Variants in RSRP1 observed in about 807,000 individuals in gnomAD.
The protein encoded by RSRP1 is arginine/serine-rich protein 1.
RSRP1 carries 37 observed loss-of-function variants against 33.0 expected under a neutral mutation model. That is an observed-to-expected ratio of 1.12 (90% CI 0.86 to 1.48). The LOEUF (loss-of-function observed/expected upper bound fraction) is 1.48. Among genes scored for constraint, RSRP1 ranks in the 40% most tolerant of loss-of-function variants. RSRP1 has a pLI of 0.00. For missense variants in RSRP1, 402 were observed against 385.3 expected, an observed-to-expected ratio of 1.04 and a Z score of -0.36; for synonymous variants, 167 against 158.7, an observed-to-expected ratio of 1.05 and a Z score of -0.40.
At chr1:25,286,892 A>T (rs2124630603) in intron 1 of RSRP1, among the ~76,000 whole-genome samples, 1 of 134,694 alleles carries the variant, frequency 7.4e-6, no homozygotes, top group East Asian at 1.9e-4. Flanking sequence ...CAGGAGTCCG[A>T]GACCAACCTG....
intron 1 of RSRP1, among the ~76,000 whole-genome samples, chr1:25,274,361 T>C (rs1195104501): frequency 7.5e-6 from 1 of 132,680 alleles, no homozygotes; most frequent in African/African-American, 2.6e-5. Context: ...TACAGTGGGC[T>C]TGAGTCTTTG....
intron 1 of RSRP1, among the ~76,000 whole-genome samples, chr1:25,291,573 C>A (rs1642513282): frequency 7.6e-6 from 1 of 132,366 alleles, no homozygotes; most frequent in African/African-American, 2.6e-5. Flanking sequence ...ACACAACAAA[C>A]CAATGCCTTT....
chr1:25,292,434 G>C (rs1642590211), intron 1 of RSRP1, among the ~76,000 whole-genome samples: 3 of 132,278 alleles, frequency 2.3e-5, no homozygotes, highest in African/African-American at 7.7e-5. Context: ...GGAAGTGGTT[G>C]GATCCTGACT....
intron 1 of RSRP1, among the ~76,000 whole-genome samples, chr1:25,263,530 C>G (rs1448444560): frequency 1.3e-5 from 2 of 151,952 alleles, no homozygotes; most frequent in Admixed American, 1.3e-4. Flanking sequence ...TAGACTTATT[C>G]ACTATCACAA....
At chr1:25,283,009 ATCTC>A (rs1030775589) in intron 1 of RSRP1, among the ~76,000 whole-genome samples, 1 of 132,806 alleles carries the variant, frequency 7.5e-6, no homozygotes, top group South Asian at 2.3e-4. Context: ...ATTCTTCAAG[ATCTC>A]TCTCTCTCCA....
intron 1 of RSRP1, among the ~76,000 whole-genome samples, chr1:25,331,270 C>T (rs1434637954): frequency 3.1e-5 from 4 of 131,056 alleles, no homozygotes; most frequent in African/African-American, 1.0e-4. Flanking sequence ...CCGGCCTCTT[C>T]CTCTTCTTAT....
chr1:25,319,662 C>A (rs538319478), intron 1 of RSRP1, among the ~76,000 whole-genome samples: 2 of 132,292 alleles, frequency 1.5e-5, no homozygotes, highest in African/African-American at 5.1e-5. Context: ...GTTCCTCAAG[C>A]AGCCAAAATT....
chr1:25,266,449 C>G (rs1640313386), intron 1 of RSRP1, among the ~76,000 whole-genome samples: 1 of 128,978 alleles, frequency 7.8e-6, no homozygotes, highest in Admixed American at 7.4e-5. Flanking sequence ...CTAGATTCCT[C>G]CACCCTGAGA....
chr1:25,303,965 TG>T (rs1183751760), intron 1 of RSRP1, among the ~76,000 whole-genome samples: 1 of 87,860 alleles, frequency 1.1e-5, no homozygotes, highest in African/African-American at 3.8e-5. Context: ...TGTCTTCAGC[TG>T]GGGGTGGGCA....
Position 25,306,479 on chromosome 1 carries a change from G to A in RSRP1, c.-67+31499C>T, listed in dbSNP as rs184668322. 8.5e-5 allele frequency: 84 copies of A among 986,808 alleles called. 3 individuals are homozygous for A. The East Asian group carries it at 1.5e-3, about 17-fold the overall frequency. 61.1% of individuals were successfully genotyped at this position (986,808 alleles called of 1,614,324 possible). A position where few individuals can be genotyped will look rare whatever the true frequency, so the allele number is the denominator to read the frequency against. ...CAAGTCTGAGAAGGGCTTCTTTGAG[G>A]TGAGCCTTAGTGCCCATCCCCCTTT... On this transcript the variant is annotated intron_variant, in intron 1 of 1. Coordinates refer to the RSRP1 transcript ENST00000561867.
chr1:25,300,856 G>A, intron 1 of RSRP1: 2 of 1,286,146 alleles, frequency 1.6e-6, no homozygotes, highest in Non-Finnish European at 2.2e-6. Flanking sequence ...CACCTCCTAA[G>A]TGAAGCTCTG....
intron 1 of RSRP1, chr1:25,266,199 T>C (rs1640306676): frequency 7.5e-6 from 1 of 132,886 alleles, no homozygotes; most frequent in African/African-American, 2.5e-5. Flanking sequence ...GCATGTATCT[T>C]ATTAGTAAGA....
intron 1 of RSRP1, among the ~76,000 whole-genome samples, chr1:25,305,113 G>A (rs1643697117): frequency 7.6e-6 from 1 of 132,384 alleles, no homozygotes; most frequent in African/African-American, 2.6e-5. Context: ...GGATGGGTCT[G>A]GAAATGCTTC....
Position 25,320,360 on chromosome 1 carries a change from T to C in RSRP1, c.-67+17618A>G, listed in dbSNP as rs527894424. Among the ~76,000 whole-genome samples, 19 of 132,144 alleles carry C rather than the reference T, an allele frequency of 1.4e-4. 1 individual carries two copies. Among genetic ancestry groups the C allele is most frequent in the African/African-American group, 4.9e-4 (19 of 38,920 alleles). The allele number at this position is 132,144 out of a possible 152,430, so 86.7% of individuals were successfully genotyped here. A position where few individuals can be genotyped will look rare whatever the true frequency, so the allele number is the denominator to read the frequency against. On this transcript the variant is annotated intron_variant, in intron 1 of 1. Transcript: ENST00000561867. ...ATTTTTTTTAAAAAAAGTCTAAATA[T>C]GTTTAATGTTGTCTCAGAAGACAAA...
chr1:25,309,808 A>AT lies in RSRP1; in HGVS notation c.-67+28169dup, dbSNP rs964912223. 2.3e-5 allele frequency among the ~76,000 whole-genome samples: 3 copies of AT among 132,526 alleles called. 1 individual carries two copies. The highest frequency in any genetic ancestry group is 5.4e-5 in the Non-Finnish European group (3 of 56,032). The allele number at this position is 132,526 out of a possible 152,430, so 86.9% of individuals were successfully genotyped here. A position where few individuals can be genotyped will look rare whatever the true frequency, so the allele number is the denominator to read the frequency against. ...TCACTCACAGGGCTGCTGTGAGGAC[A>AT]TGTGTTGAGCTGAGGGTCTCGCCAG... is the stretch of plus-strand genomic sequence containing the variant. On this transcript the variant is annotated intron_variant, in intron 1 of 1. Transcript: ENST00000561867.
At chr1:25,312,817 G>A (rs1214892148) in intron 1 of RSRP1, among the ~76,000 whole-genome samples, 2 of 116,732 alleles carry the variant, frequency 1.7e-5, no homozygotes, top group African/African-American at 5.7e-5. Flanking sequence ...CTACTCAGGA[G>A]GCTGAGACAG....
At chr1:25,242,995 C>T (rs1638992213) in intron 4 of RSRP1, among the ~76,000 whole-genome samples, 1 of 151,984 alleles carries the variant, frequency 6.6e-6, no homozygotes, top group Non-Finnish European at 1.5e-5. Context: ...GAGGCTGAGG[C>T]AGGAGAATCG....
chr1:25,242,356 T>C lies in RSRP1; in HGVS notation c.*233A>G, dbSNP rs1638901581. ...ATAACCAAGACAATATTTACAACTA[T>C]ATACAAAAGACTCCCACCTGTGCAT... On this transcript the variant is annotated 3_prime_UTR_variant, in exon 5 of 5. Coordinates refer to ENST00000243189, the MANE Select transcript of RSRP1 (RefSeq NM_020317.5). 1 of 325,020 alleles carries C rather than the reference T, an allele frequency of 3.1e-6. No homozygotes were observed. The highest frequency in any genetic ancestry group is 5.6e-6 in the Non-Finnish European group (1 of 177,132). The allele number at this position is 325,020 out of a possible 1,614,324, so 20.1% of individuals were successfully genotyped here.
In RSRP1 at chr1:25,293,686, A is replaced by G. The variant is rs200292262; in HGVS notation, c.-67+44292T>C. On this transcript the variant is annotated intron_variant, in intron 1 of 1. Transcript: ENST00000561867. Reference sequence around the variant, plus strand: ...AATTTCCCTAGTATATGTAACCATCAGTAGGTGGTATCTACTGACTAGAGA... The same window carrying G: ...AATTTCCCTAGTATATGTAACCATCGGTAGGTGGTATCTACTGACTAGAGA... 6.1e-5 allele frequency among the ~76,000 whole-genome samples: 8 copies of G among 131,652 alleles called. 2 individuals carry two copies. The highest frequency in any genetic ancestry group is 2.1e-4 in the African/African-American group (8 of 38,348). The allele number at this position is 131,652 out of a possible 152,430, so 86.4% of individuals were successfully genotyped here. A position where few individuals can be genotyped will look rare whatever the true frequency, so the allele number is the denominator to read the frequency against.
Sources: gnomAD v4.1 joint callset for allele counts (sites outside exome capture counted in the v4.1 genomes callset) on GRCh38, gnomAD v4.1.1 for gene constraint, MANE v1.5 for transcripts, NCBI Gene and HGNC (gene_info 2026-07-23, HGNC 2026-07-21) for gene names.